Variants in DZIP1L observed in about 807,000 individuals in gnomAD.
DZIP1L encodes the protein cilium assembly protein DZIP1L.
In DZIP1L, 90 loss-of-function variants were observed where a neutral mutation model predicts 88.7. That is an observed-to-expected ratio of 1.02 (90% CI 0.86 to 1.21). The LOEUF (loss-of-function observed/expected upper bound fraction) is 1.21. DZIP1L is among the 50% of genes most tolerant of loss of function. DZIP1L has a pLI of 0.00. For synonymous variants in DZIP1L, 363 were observed against 372.1 expected, an observed-to-expected ratio of 0.98 and a Z score of 0.28; for missense variants, 932 against 955.8, an observed-to-expected ratio of 0.98 and a Z score of 0.33.
intron 1 of DZIP1L, among the ~76,000 whole-genome samples, chr3:138,110,423 C>T (rs2042598893): frequency 6.6e-6 from 1 of 152,046 alleles, no homozygotes; most frequent in African/African-American, 2.4e-5. Context: ...GCACGTTGTG[C>T]ACAGGTACCC....
At chr3:138,103,005 T>A in intron 2 of DZIP1L, 1 of 454,500 alleles carries the variant, frequency 2.2e-6, no homozygotes, top group South Asian at 2.2e-5. Context: ...ACTAACACTA[T>A]TAATACACCT....
chr3:138,078,439 C>T (rs553941521), intron 10 of DZIP1L, among the ~76,000 whole-genome samples: 5 of 152,292 alleles, frequency 3.3e-5, no homozygotes, highest in East Asian at 3.9e-4. Context: ...CTGCTGGCTG[C>T]GAGTTGGAAT....
Position 138,088,475 on chromosome 3 carries a change from C to T in DZIP1L, c.903G>A (p.Met301Ile). 6.2e-7 allele frequency: 1 copy of T among 1,613,988 alleles called. No individual in the cohort carries two copies. The highest frequency in any genetic ancestry group is 8.5e-7 in the Non-Finnish European group (1 of 1,179,952). The change falls in exon 6 of 16, where the codon ATG becomes ATA. Residue 301 changes from methionine (M) to isoleucine (I), a missense_variant. Physicochemically the swap from Met to Ile is conservative, Grantham distance 10. Transcript: ENST00000327532. ...CTCGCAGTGATCCCAGCTTGGACTC[C>T]ATCACACTGTGGGACTGCAGTGCCC... is the stretch of plus-strand genomic sequence containing the variant. ...KLRALQSHSV[M>I]ESKLGSLRDE...
chr3:138,106,925 C>A (rs2042512419), intron 1 of DZIP1L, among the ~76,000 whole-genome samples: 2 of 151,974 alleles, frequency 1.3e-5, no homozygotes, highest in Non-Finnish European at 2.9e-5. Context: ...AGCCCCTGAC[C>A]CCACTGAGCC....
At chr3:138,106,127 C>CTTTTTTTTTTTTTT (rs56146259) in intron 1 of DZIP1L, among the ~76,000 whole-genome samples, 3 of 64,530 alleles carry the variant, frequency 4.6e-5, no homozygotes, top group South Asian at 7.4e-4. Context: ...AGTCTTCTTT[C>CTTTTTTTTTTTTTT]TTTTTTTTTT....
chr3:138,074,326 A>G (rs1943306126), intron 11 of DZIP1L, among the ~76,000 whole-genome samples: 1 of 152,232 alleles, frequency 6.6e-6, no homozygotes, highest in African/African-American at 2.4e-5. Context: ...CAGGTAACCT[A>G]TAAAGGAACA....
chr3:138,067,826 C>G, intron 13 of DZIP1L, 126 bp from the exon 14 acceptor site: 1 of 1,139,704 alleles, frequency 8.8e-7, no homozygotes. Context: ...CCCTCAGGCC[C>G]AGAAGACAGC....
rs78765465 is a variant in DZIP1L at position 138,084,908 on chromosome 3, C to T, written c.1063-655G>A. On this transcript the variant is annotated intron_variant, in intron 7 of 15. Coordinates refer to ENST00000327532, the MANE Select transcript of DZIP1L (RefSeq NM_173543.3). ...AATCCTTTCCCCATTGCTTGTTTTTCTCAGGTTTGTCAAAGATCAGATAGT... is the reference window on the plus strand; with the variant it reads ...AATCCTTTCCCCATTGCTTGTTTTTTTCAGGTTTGTCAAAGATCAGATAGT... Among the ~76,000 whole-genome samples the T allele has an allele frequency of 3.3e-5, 5 of 152,156 alleles. No individual in the cohort carries two copies. The East Asian group carries it at 9.6e-4, about 29-fold the overall frequency.
intron 2 of DZIP1L, among the ~76,000 whole-genome samples, chr3:138,100,550 A>G (rs181179902): frequency 4.3e-4 from 66 of 152,330 alleles, no homozygotes; most frequent in African/African-American, 1.6e-3. Context: ...AGGCCCAGGT[A>G]TCTGAAGTGG....
chr3:138,076,947 T>C (rs1211429313), intron 11 of DZIP1L, among the ~76,000 whole-genome samples: 1 of 151,728 alleles, frequency 6.6e-6, no homozygotes, highest in Non-Finnish European at 1.5e-5. Flanking sequence ...GAAAATAAAA[T>C]ATACATACAT....
At chr3:138,107,834 C>G (rs571318813) in intron 1 of DZIP1L, among the ~76,000 whole-genome samples, 18 of 152,314 alleles carry the variant, frequency 1.2e-4, no homozygotes, top group African/African-American at 4.3e-4. Context: ...CCTATTCCCA[C>G]TGTACCAAAC....
intron 1 of DZIP1L, among the ~76,000 whole-genome samples, chr3:138,112,002 C>CA (rs56199137): frequency 8.0e-4 from 108 of 135,108 alleles, no homozygotes; most frequent in African/African-American, 1.4e-3. Flanking sequence ...AATTCTGTCT[C>CA]AAAAAAAAAA....
chr3:138,077,758 T>C (rs1943480993), intron 10 of DZIP1L, 126 bp from the exon 11 acceptor site: 11 of 1,381,650 alleles, frequency 8.0e-6, no homozygotes, highest in Non-Finnish European at 1.1e-5. Flanking sequence ...GACTTGGAGA[T>C]TGCACTTGAG....
chr3:138,100,584 C>G (rs1483560297), intron 2 of DZIP1L, among the ~76,000 whole-genome samples: 1 of 152,186 alleles, frequency 6.6e-6, no homozygotes, highest in Admixed American at 6.5e-5. Context: ...GGACTGATCC[C>G]TTAACTCATG....
intron 7 of DZIP1L, 51 bp from the exon 8 acceptor site, chr3:138,084,304 G>A (rs368439471): frequency 3.8e-6 from 6 of 1,588,694 alleles, no homozygotes; most frequent in Admixed American, 1.7e-5. Flanking sequence ...GGACATCTTA[G>A]TGCCTGGTGT....
At chr3:138,083,578 T>C (rs544748349) in intron 8 of DZIP1L, among the ~76,000 whole-genome samples, 4 of 152,328 alleles carry the variant, frequency 2.6e-5, no homozygotes, top group South Asian at 4.1e-4. Flanking sequence ...GCTTTATCTC[T>C]CACCTCATCA....
chr3:138,082,442 G>C (rs1482270160), intron 8 of DZIP1L, among the ~76,000 whole-genome samples: 1 of 152,246 alleles, frequency 6.6e-6, no homozygotes, highest in Non-Finnish European at 1.5e-5. Context: ...ACATAAAACA[G>C]ATAAGCAGCA....
chr3:138,099,630 T>C (rs926956135), intron 2 of DZIP1L, among the ~76,000 whole-genome samples: 2 of 152,170 alleles, frequency 1.3e-5, no homozygotes, highest in Admixed American at 6.5e-5. Context: ...ATCTGGGTCA[T>C]GGGGCAGATC....
chr3:138,113,390 G>A (rs2042647868), intron 1 of DZIP1L: 2 of 152,188 alleles, frequency 1.3e-5, no homozygotes. Flanking sequence ...CCACTTTACT[G>A]TCTCTTCTGC....
Sources: gnomAD v4.1 joint callset for allele counts (sites outside exome capture counted in the v4.1 genomes callset) on GRCh38, gnomAD v4.1.1 for gene constraint, MANE v1.5 for transcripts, NCBI Gene and HGNC (gene_info 2026-07-23, HGNC 2026-07-21) for gene names.